The following RGPD2 variants were observed in gnomAD, a reference collection of about 807,000 sequenced individuals.
The protein encoded by RGPD2 is RANBP2 like and GRIP domain containing 2.
In RGPD2, 2 loss-of-function variants were observed where a neutral mutation model predicts 36.0. That is an observed-to-expected ratio of 0.06 (90% CI 0.02 to 0.17). The LOEUF is 0.17. RGPD2 is among the 10% of genes least tolerant of loss of function. The pLI is 1.00. For synonymous variants in RGPD2, 19 were observed against 163.8 expected (o/e 0.12, Z 6.75); for missense variants, 40 against 464.3 (o/e 0.09, Z 8.40).
intron 22 of RGPD2, among the ~76,000 whole-genome samples, chr2:87,769,360 C>T (rs1685050753): frequency 6.6e-6 from 1 of 152,232 alleles, no homozygotes; most frequent in African/African-American, 2.4e-5. Flanking sequence ...CTTTTATGTA[C>T]TCACATTGAT....
chr2:87,887,017 T>C, the RGPD2 span, among the ~76,000 whole-genome samples: 3 of 151,414 alleles, frequency 2.0e-5, no homozygotes, highest in Non-Finnish European at 3.0e-5. Flanking sequence ...TAAATTACTT[T>C]AAATAAAATT....
At chr2:87,822,043 T>C (rs1460704835) in intron 1 of RGPD2, among the ~76,000 whole-genome samples, 1 of 151,904 alleles carries the variant, frequency 6.6e-6, no homozygotes, top group Admixed American at 6.6e-5. Context: ...TCCCTCCCCC[T>C]AAAATCCTCC....
chr2:87,957,635 C>A, the RGPD2 span, among the ~76,000 whole-genome samples: 2 of 152,188 alleles, frequency 1.3e-5, no homozygotes, highest in African/African-American at 4.8e-5. Flanking sequence ...ATCCCATAGG[C>A]CCCAGCTCTT....
At chr2:87,845,771 T>G in the RGPD2 span, among the ~76,000 whole-genome samples, 1 of 152,102 alleles carries the variant, frequency 6.6e-6, no homozygotes, top group Admixed American at 6.6e-5. Flanking sequence ...ATATTTTTAG[T>G]AATGCTTTAT....
chr2:87,967,642 C>G, the RGPD2 span, among the ~76,000 whole-genome samples: 4 of 147,462 alleles, frequency 2.7e-5, no homozygotes, highest in Admixed American at 1.3e-4. Flanking sequence ...CAGACTATTG[C>G]ATGAATAAAC....
chr2:87,977,851 C>G, the RGPD2 span, among the ~76,000 whole-genome samples: 1 of 152,236 alleles, frequency 6.6e-6, no homozygotes, highest in Non-Finnish European at 1.5e-5. Flanking sequence ...CACAGTGGCT[C>G]ACGCCTGTAA....
chr2:87,912,023 TA>T, the RGPD2 span, among the ~76,000 whole-genome samples: 3 of 152,218 alleles, frequency 2.0e-5, no homozygotes, highest in Non-Finnish European at 4.4e-5. Flanking sequence ...TGTCTGAATT[TA>T]AATTCCCTAT....
At chr2:87,831,460 C>T in the RGPD2 span, among the ~76,000 whole-genome samples, 1 of 151,498 alleles carries the variant, frequency 6.6e-6, no homozygotes, top group Non-Finnish European at 1.5e-5. Context: ...TGAGTGAACC[C>T]CAACCAAAAT....
the RGPD2 span, among the ~76,000 whole-genome samples, chr2:87,859,992 TG>T: frequency 6.9e-6 from 1 of 145,234 alleles, no homozygotes; most frequent in Non-Finnish European, 1.5e-5. Flanking sequence ...TGAGTTCTCC[TG>T]GGGAGATTCT....
At chr2:87,865,452 C>A in the RGPD2 span, among the ~76,000 whole-genome samples, 17 of 152,272 alleles carry the variant, frequency 1.1e-4, no homozygotes, top group East Asian at 1.9e-4. Flanking sequence ...AGGGTACATA[C>A]TTTCAACTAC....
chr2:87,882,967 T>C, the RGPD2 span, among the ~76,000 whole-genome samples: 1 of 151,782 alleles, frequency 6.6e-6, no homozygotes, highest in Non-Finnish European at 1.5e-5. Flanking sequence ...TTAAATATGT[T>C]GTAACAGGTT....
chr2:87,986,963 A>G, the RGPD2 span, among the ~76,000 whole-genome samples: 1 of 144,334 alleles, frequency 6.9e-6, no homozygotes. Context: ...TTCAGTAAAT[A>G]TATAATATTC....
chr2:87,937,023 C>A, the RGPD2 span, among the ~76,000 whole-genome samples: 691 of 151,404 alleles, frequency 4.6e-3, 6 homozygotes, highest in African/African-American at 0.016. Flanking sequence ...AAAACACGAG[C>A]AAAATATGGT....
At chr2:87,985,403 TC>T in the RGPD2 span, among the ~76,000 whole-genome samples, 1 of 148,962 alleles carries the variant, frequency 6.7e-6, no homozygotes, top group South Asian at 2.1e-4. Context: ...ATCTGTGATT[TC>T]TTTGTGATCC....
At chr2:87,951,785 A>C in the RGPD2 span, among the ~76,000 whole-genome samples, 1 of 132,908 alleles carries the variant, frequency 7.5e-6, no homozygotes, top group South Asian at 2.9e-4. Context: ...GGGTTTCACC[A>C]TGTTGGCCAG....
the RGPD2 span, among the ~76,000 whole-genome samples, chr2:87,861,311 T>C: frequency 1.4e-4 from 22 of 152,202 alleles, no homozygotes; most frequent in Admixed American, 3.9e-4. Context: ...AATTTTCTAA[T>C]TTCAATGTTA....
chr2:87,903,529 TAGAG>T, the RGPD2 span, among the ~76,000 whole-genome samples: 8 of 152,268 alleles, frequency 5.3e-5, no homozygotes, highest in African/African-American at 1.4e-4. Context: ...GATCAACAAA[TAGAG>T]AGAAAGTGAG....
At chr2:87,858,138 C>T in the RGPD2 span, among the ~76,000 whole-genome samples, 2 of 152,066 alleles carry the variant, frequency 1.3e-5, no homozygotes, top group Non-Finnish European at 2.9e-5. Context: ...CTCAGACAGG[C>T]ATGGTGGTGC....
At chr2:87,857,258 C>G in the RGPD2 span, among the ~76,000 whole-genome samples, 1 of 152,152 alleles carries the variant, frequency 6.6e-6, no homozygotes, top group Admixed American at 6.5e-5. Context: ...TTAATATCCA[C>G]TTTATAATAG....
Sources: allele counts gnomAD v4.1 joint callset (sites outside exome capture counted in the v4.1 genomes callset), GRCh38; gene constraint gnomAD v4.1.1; transcripts MANE v1.5; gene names NCBI Gene and HGNC (gene_info 2026-07-23, HGNC 2026-07-21).